Variants in ANK2 observed in about 807,000 individuals in gnomAD.
ANK2 encodes the protein ankyrin 2.
ANK2 carries 83 observed loss-of-function variants against 360.5 expected under a neutral mutation model. That is an observed-to-expected ratio of 0.23 (90% CI 0.19 to 0.28). The LOEUF is 0.28. Ranked by LOEUF, ANK2 falls within the 10% of genes least tolerant of loss-of-function variation. The probability of loss-of-function intolerance (pLI) is 1.00; values close to 1 mark genes in which losing one functional copy is unlikely to be tolerated. For missense variants in ANK2, 4,201 were observed against 4,795.7 expected (o/e 0.88, Z 3.66); for synonymous variants, 1,740 against 1,759.5 (o/e 0.99, Z 0.28).
At chr4:113,199,534 G>A (rs185130148) in intron 4 of ANK2, among the ~76,000 whole-genome samples, 4 of 152,142 alleles carry the variant, frequency 2.6e-5, no homozygotes, top group African/African-American at 9.6e-5. Flanking sequence ...ACTTTGGTCA[G>A]TTTACACCCC....
intron 2 of ANK2, among the ~76,000 whole-genome samples, chr4:112,933,291 A>C (rs1445399314): frequency 1.3e-5 from 2 of 152,232 alleles, no homozygotes; most frequent in Admixed American, 1.3e-4. Context: ...ATAGGTGTTC[A>C]CTTTACAAGT....
At chr4:113,136,484 C>T (rs1034586354) in intron 1 of ANK2, among the ~76,000 whole-genome samples, 5 of 152,256 alleles carry the variant, frequency 3.3e-5, no homozygotes, top group Non-Finnish European at 7.4e-5. Context: ...GAGTTTGAGA[C>T]CATCCTGGGC....
chr4:113,042,777 T>G (rs990383365), intron 2 of ANK2, among the ~76,000 whole-genome samples: 1 of 152,176 alleles, frequency 6.6e-6, no homozygotes, highest in African/African-American at 2.4e-5. Context: ...AAATTATTCT[T>G]TAACTCCCAC....
chr4:112,788,340 A>T, the ANK2 span: 25 of 1,547,382 alleles, frequency 1.6e-5, no homozygotes, highest in South Asian at 4.5e-5. Flanking sequence ...TTGATAATGC[A>T]CTAAGGGACC....
At chr4:113,303,904 GTTCT>G (rs1042611676) in intron 23 of ANK2, among the ~76,000 whole-genome samples, 4 of 152,092 alleles carry the variant, frequency 2.6e-5, no homozygotes, top group African/African-American at 7.2e-5. Context: ...GTTTCTTTAG[GTTCT>G]TTAAGATAAA....
At chr4:112,908,463 T>TG (rs1300025620) in intron 2 of ANK2, among the ~76,000 whole-genome samples, 10 of 152,152 alleles carry the variant, frequency 6.6e-5, no homozygotes, top group Admixed American at 5.9e-4. Flanking sequence ...TAGTTGAGAC[T>TG]GGAGAGACAT....
At chr4:113,364,040 G>A (rs1217540999) in intron 40 of ANK2, among the ~76,000 whole-genome samples, 2 of 152,144 alleles carry the variant, frequency 1.3e-5, no homozygotes, top group African/African-American at 4.8e-5. Flanking sequence ...AGTACTCAGC[G>A]AGCCCACCAT....
rs1489947974 is a variant in ANK2 at position 113,021,541 on chromosome 4, C to CACACACACACATATATAT, written c.21+117028_21+117029insCACACACACATATATATA. On this transcript the variant is annotated intron_variant, in intron 2 of 30. Coordinates refer to the ANK2 transcript ENST00000503271. ...ATACACACACACACCCACACACAAA[C>CACACACACACATATATAT]ATATATATATATATATATATATATA... Among the ~76,000 whole-genome samples the CACACACACACATATATAT allele has an allele frequency of 2.3e-3, 222 of 95,594 alleles. 10 individuals are homozygous for CACACACACACATATATAT. Among genetic ancestry groups the CACACACACACATATATAT allele is most frequent in the African/African-American group, 3.2e-3 (85 of 26,158 alleles). The allele number at this position is 95,594 out of a possible 152,430, so 62.7% of individuals were successfully genotyped here.
At chr4:113,044,514 C>T (rs1020074866) in intron 2 of ANK2, among the ~76,000 whole-genome samples, 1 of 152,172 alleles carries the variant, frequency 6.6e-6, no homozygotes, top group African/African-American at 2.4e-5. Context: ...TAGCAAAGCA[C>T]TACAAACTGG....
chr4:113,202,434 T>A (rs1311074076), intron 4 of ANK2, among the ~76,000 whole-genome samples: 1 of 152,198 alleles, frequency 6.6e-6, no homozygotes, highest in Non-Finnish European at 1.5e-5. Context: ...GAATCCTGAA[T>A]GTACAACAAA....
chr4:112,785,414 C>T, the ANK2 span, among the ~76,000 whole-genome samples: 1 of 151,814 alleles, frequency 6.6e-6, no homozygotes, highest in Admixed American at 6.6e-5. Flanking sequence ...TGCTCTGTCA[C>T]CCAGGCTGGA....
At position 113,268,365 on chromosome 4, in the gene ANK2, C is replaced by G. The variant is rs370465115; in HGVS notation, c.1485+3370C>G. Among the ~76,000 whole-genome samples, 27 of 152,122 alleles carry G rather than the reference C, an allele frequency of 1.8e-4. No homozygotes were observed. The East Asian group carries it at 2.3e-3, about 13-fold the overall frequency. The stretch of plus-strand genomic sequence containing the variant: ...GGAATACTTTCAGCTTTTGCCCATT[C>G]AGTATGATATTGGCTGTGGGTTTGT... On this transcript the variant is annotated intron_variant, in intron 14 of 45. Transcript: ENST00000357077.
chr4:113,321,122 C>T (rs2085988363), intron 26 of ANK2, among the ~76,000 whole-genome samples: 1 of 152,190 alleles, frequency 6.6e-6, no homozygotes, highest in South Asian at 2.1e-4. Flanking sequence ...TGACATCAGG[C>T]ACAGTTATAT....
chr4:113,280,470 A>G (rs2061868960), intron 17 of ANK2, among the ~76,000 whole-genome samples: 1 of 152,132 alleles, frequency 6.6e-6, no homozygotes, highest in Admixed American at 6.5e-5. Context: ...TATCTGCCCC[A>G]GCCTGTCAAT....
intron 2 of ANK2, among the ~76,000 whole-genome samples, chr4:113,040,232 A>T (rs908624234): frequency 6.6e-6 from 1 of 152,056 alleles, no homozygotes; most frequent in African/African-American, 2.4e-5. Flanking sequence ...ACATTTTGTT[A>T]TTCTTCAGTG....
At chr4:112,724,556 T>TACACACACACACACAC in the ANK2 span, among the ~76,000 whole-genome samples, 16 of 141,666 alleles carry the variant, frequency 1.1e-4, no homozygotes, top group African/African-American at 3.9e-4. Context: ...CACACACACA[T>TACACACACACACACAC]ACACACACAC....
At chr4:112,890,590 G>C (rs1324012133) in intron 1 of ANK2, among the ~76,000 whole-genome samples, 4 of 86,566 alleles carry the variant, frequency 4.6e-5, no homozygotes, top group African/African-American at 1.8e-4. Flanking sequence ...TTTTTGAGAC[G>C]GAGTTTCGCT....
intron 9 of ANK2, among the ~76,000 whole-genome samples, chr4:113,248,934 C>T (rs916038377): frequency 2.0e-5 from 3 of 152,108 alleles, no homozygotes; most frequent in Non-Finnish European, 4.4e-5. Flanking sequence ...AATTACATTT[C>T]GCCTCACATT....
At chr4:113,330,959 C>A (rs1439373654) in intron 27 of ANK2, among the ~76,000 whole-genome samples, 2 of 152,042 alleles carry the variant, frequency 1.3e-5, no homozygotes, top group African/African-American at 4.8e-5. Context: ...AAATTGCTAC[C>A]TTGAGCCTTA....
Sources: gnomAD v4.1 joint callset for allele counts (sites outside exome capture counted in the v4.1 genomes callset) on GRCh38, gnomAD v4.1.1 for gene constraint, MANE v1.5 for transcripts, NCBI Gene and HGNC (gene_info 2026-07-23, HGNC 2026-07-21) for gene names.